SLC35F1: variants seen among roughly 807,000 people sequenced by gnomAD.
The protein encoded by SLC35F1 is solute carrier family 35 member F1.
A neutral mutation model predicts 48.7 loss-of-function variants in SLC35F1; 14 were observed. The observed-to-expected ratio is 0.29, with a 90% CI of 0.19 to 0.45. The LOEUF is 0.45. Among genes scored for constraint, SLC35F1 ranks in the 20% least tolerant of loss-of-function variants. SLC35F1 has a pLI of 1.00. For missense variants in SLC35F1, 404 were observed against 500.0 expected, an observed-to-expected ratio of 0.81 and a Z score of 1.83; for synonymous variants, 190 against 202.2, an observed-to-expected ratio of 0.94 and a Z score of 0.51.
At chr6:118,230,386 T>G (rs1340376303) in intron 2 of SLC35F1, among the ~76,000 whole-genome samples, 3 of 152,002 alleles carry the variant, frequency 2.0e-5, no homozygotes, top group African/African-American at 7.2e-5. Flanking sequence ...TTTTACTGCA[T>G]TGTTTGAAAA....
At chr6:118,164,615 G>A (rs1021598413) in intron 2 of SLC35F1, among the ~76,000 whole-genome samples, 35 of 152,158 alleles carry the variant, frequency 2.3e-4, no homozygotes, top group African/African-American at 8.4e-4. Context: ...ATAGGACAGT[G>A]TGAGGCATAC....
intron 1 of SLC35F1, among the ~76,000 whole-genome samples, chr6:118,019,165 T>TATTGTATTCAATTTGATACTGGATTTGA (rs1198693913): frequency 7.2e-5 from 11 of 151,766 alleles, no homozygotes; most frequent in Non-Finnish European, 1.6e-4. Context: ...TTTGAATAAA[T>TATTGTATTCAATTTGATACTGGATTTGA]ATAATTGTAA....
At chr6:117,939,103 G>T (rs754262160) in intron 1 of SLC35F1, among the ~76,000 whole-genome samples, 1 of 147,674 alleles carries the variant, frequency 6.8e-6, no homozygotes, top group Admixed American at 6.9e-5. Context: ...GAGCTCAAAT[G>T]ATCTTCCTGC....
intron 2 of SLC35F1, among the ~76,000 whole-genome samples, chr6:118,170,213 C>T (rs1774382071): frequency 6.6e-6 from 1 of 152,142 alleles, no homozygotes; most frequent in African/African-American, 2.4e-5. Flanking sequence ...TAAAATCAAT[C>T]CAATTTGATT....
At chr6:117,920,348 A>G (rs1456970248) in intron 1 of SLC35F1, among the ~76,000 whole-genome samples, 1 of 152,190 alleles carries the variant, frequency 6.6e-6, no homozygotes, top group Non-Finnish European at 1.5e-5. Flanking sequence ...AAGAGCTGGG[A>G]CGGACCTTTG....
chr6:118,272,241 T>C (rs1775860579), intron 4 of SLC35F1, among the ~76,000 whole-genome samples: 1 of 152,124 alleles, frequency 6.6e-6, no homozygotes, highest in Admixed American at 6.6e-5. Context: ...GGAAATGAGA[T>C]ACACAAGTTA....
chr6:118,229,344 G>A (rs1775259547), intron 2 of SLC35F1, among the ~76,000 whole-genome samples: 2 of 152,198 alleles, frequency 1.3e-5, no homozygotes, highest in Admixed American at 1.3e-4. Flanking sequence ...TGAACTGATG[G>A]TGATGGGACA....
intron 2 of SLC35F1, among the ~76,000 whole-genome samples, chr6:118,172,870 G>T (rs905701213): frequency 6.6e-6 from 1 of 152,046 alleles, no homozygotes; most frequent in African/African-American, 2.4e-5. Flanking sequence ...GTATATTTCA[G>T]GATGAATAAG....
At chr6:118,104,491 CT>C (rs1434225133) in intron 1 of SLC35F1, among the ~76,000 whole-genome samples, 2 of 152,102 alleles carry the variant, frequency 1.3e-5, no homozygotes, top group Admixed American at 6.6e-5. Context: ...TAAATGTTAG[CT>C]ATTTTCTTTA....
At chr6:118,085,202 G>T (rs762176903) in intron 1 of SLC35F1, among the ~76,000 whole-genome samples, 6 of 152,086 alleles carry the variant, frequency 3.9e-5, no homozygotes, top group Non-Finnish European at 7.4e-5. Context: ...TAAGGAATTG[G>T]TTCCCCCTTG....
chr6:117,911,733 A>G (rs1429306896), intron 1 of SLC35F1, among the ~76,000 whole-genome samples: 1 of 152,060 alleles, frequency 6.6e-6, no homozygotes, highest in Non-Finnish European at 1.5e-5. Context: ...GACATGAGCC[A>G]CTGTGCCTGG....
intron 1 of SLC35F1, among the ~76,000 whole-genome samples, chr6:118,007,671 A>G (rs2114873469): frequency 6.6e-6 from 1 of 152,306 alleles, no homozygotes; most frequent in South Asian, 2.1e-4. Context: ...GCTGTGTAAC[A>G]CATGACCACA....
chr6:117,937,501 C>T (rs1776176046), intron 1 of SLC35F1, among the ~76,000 whole-genome samples: 1 of 152,132 alleles, frequency 6.6e-6, no homozygotes, highest in South Asian at 2.1e-4. Context: ...TAAGGCATAG[C>T]AATCAAACAC....
rs1776444151 is a variant in SLC35F1, at chr6:118,316,887, A to G, written c.*2635A>G. ...GGTTGATAATATATTGAATTGTTCA[A>G]GATCAGGAGTTCCAGACTGACCCTC... On this transcript the variant is annotated 3_prime_UTR_variant, in exon 8 of 8. Transcript: ENST00000360388. 6.6e-6 allele frequency: 1 copy of G among 152,510 alleles called. No individual in the cohort carries two copies. The highest frequency in any genetic ancestry group is 1.5e-5 in the Non-Finnish European group (1 of 68,022). The allele number at this position is 152,510 out of a possible 1,614,324, so 9.4% of individuals were successfully genotyped here.
At chr6:118,234,595 G>T (rs1014324656) in intron 2 of SLC35F1, among the ~76,000 whole-genome samples, 3 of 152,094 alleles carry the variant, frequency 2.0e-5, no homozygotes, top group Non-Finnish European at 4.4e-5. Flanking sequence ...GCTCTAACCT[G>T]GTTCTTGACC....
intron 1 of SLC35F1, among the ~76,000 whole-genome samples, chr6:118,081,992 T>C (rs1772916890): frequency 6.6e-6 from 1 of 152,224 alleles, no homozygotes; most frequent in Admixed American, 6.5e-5. Flanking sequence ...TCTGTATCAA[T>C]AACCTATGTT....
chr6:118,124,909 A>G (rs1350719309), intron 1 of SLC35F1, among the ~76,000 whole-genome samples: 1 of 152,152 alleles, frequency 6.6e-6, no homozygotes, highest in East Asian at 1.9e-4. Flanking sequence ...ATTCTTCACA[A>G]CGTGCAAAAT....
chr6:118,119,504 C>CCCCA (rs112815762), intron 1 of SLC35F1, among the ~76,000 whole-genome samples: 2 of 112,846 alleles, frequency 1.8e-5, no homozygotes, highest in East Asian at 2.9e-4. Flanking sequence ...GCCCCCCCTC[C>CCCCA]ACCCCGCTTT....
chr6:118,007,971 G>T (rs80197284), intron 1 of SLC35F1, among the ~76,000 whole-genome samples: 1,563 of 152,120 alleles, frequency 0.01, 24 homozygotes, highest in African/African-American at 0.036. Context: ...AGCTGTTGGC[G>T]GGGGGCTACT....
Sources: allele counts gnomAD v4.1 joint callset (sites outside exome capture counted in the v4.1 genomes callset), GRCh38; gene constraint gnomAD v4.1.1; transcripts MANE v1.5; gene names NCBI Gene and HGNC (gene_info 2026-07-23, HGNC 2026-07-21).